The following RYR2 variants were observed in gnomAD, a reference collection of about 807,000 sequenced individuals.
RYR2 encodes cardiac muscle ryanodine receptor-calcium release channel.
Under a neutral mutation model 601.1 loss-of-function variants are expected in RYR2, and 227 were observed. That is an observed-to-expected ratio of 0.38 (90% CI 0.34 to 0.42). The LOEUF (loss-of-function observed/expected upper bound fraction) is 0.42, where lower values mean the gene tolerates loss of function less well. RYR2 is among the 10% of genes least tolerant of loss of function. The pLI is 1.00. For missense variants in RYR2, 4,646 were observed against 6,156.5 expected (o/e 0.75, Z 8.21); for synonymous variants, 2,223 against 2,175.1 (o/e 1.02, Z -0.61).
chr1:237,590,657 C>A lies in RYR2; in HGVS notation c.3825C>A (p.Gly1275=). Residue 1275 remains glycine (G), a synonymous_variant, in exon 31 of 105, where the codon GGC becomes GGA. Coordinates refer to ENST00000366574, the MANE Select transcript of RYR2 (RefSeq NM_001035.3). ...HEHIEVTRID[G]TIDSSPCLKV... is the part of the protein sequence containing the mutation. Reference sequence around the variant, plus strand: ...TTTGCTAGGTGACCAGAATAGACGGCACCATAGACAGTTCCCCATGTTTAA... The same window carrying A: ...TTTGCTAGGTGACCAGAATAGACGGAACCATAGACAGTTCCCCATGTTTAA... 6.5e-7 allele frequency: 1 copy of A among 1,534,418 alleles called. No homozygotes were observed. Among genetic ancestry groups the A allele is most frequent in the South Asian group, 1.3e-5 (1 of 76,278 alleles).
At chr1:237,806,994 A>G (rs893304531) in intron 99 of RYR2, among the ~76,000 whole-genome samples, 5 of 152,208 alleles carry the variant, frequency 3.3e-5, no homozygotes, top group African/African-American at 1.2e-4. Context: ...ATTTGGCTTA[A>G]CAGACTCCTT....
chr1:237,769,683 C>A (rs1694115788), intron 84 of RYR2, among the ~76,000 whole-genome samples: 1 of 151,496 alleles, frequency 6.6e-6, no homozygotes, highest in African/African-American at 2.4e-5. Flanking sequence ...AACATACGAT[C>A]ATTGCCTCAT....
intron 24 of RYR2, among the ~76,000 whole-genome samples, chr1:237,518,525 G>A (rs920310491): frequency 1.3e-5 from 2 of 151,998 alleles, no homozygotes; most frequent in South Asian, 2.1e-4. Flanking sequence ...GCCTTTCTGG[G>A]TCTAGCTTAT....
At chr1:237,425,306 G>T (rs1706038689) in intron 12 of RYR2, among the ~76,000 whole-genome samples, 1 of 152,032 alleles carries the variant, frequency 6.6e-6, no homozygotes, top group Non-Finnish European at 1.5e-5. Flanking sequence ...GGGATATAGG[G>T]ATCACCAACA....
rs1436370148 is a variant in RYR2 at position 237,832,870 on chromosome 1, CA to C, written c.*230del. ...AGAATAATCTAAATTCATACTCAGACAAAAAAAGGAATTCTGGAAAGAAAAC... is the reference window on the plus strand; with the variant it reads ...AGAATAATCTAAATTCATACTCAGACAAAAAAGGAATTCTGGAAAGAAAAC... On this transcript the variant is annotated 3_prime_UTR_variant, in exon 105 of 105. Coordinates refer to ENST00000366574, the MANE Select transcript of RYR2 (RefSeq NM_001035.3). The C allele has an allele frequency of 4.5e-5, 18 of 402,194 alleles. No individual in the cohort carries two copies. Among genetic ancestry groups the C allele is most frequent in the Admixed American group, 1.7e-4 (4 of 24,192 alleles). The allele number at this position is 402,194 out of a possible 1,614,324, so 24.9% of individuals were successfully genotyped here. A position where few individuals can be genotyped will look rare whatever the true frequency, so the allele number is the denominator to read the frequency against.
At chr1:237,404,465 A>T (rs189226852) in intron 10 of RYR2, among the ~76,000 whole-genome samples, 107 of 152,358 alleles carry the variant, frequency 7.0e-4, no homozygotes, top group African/African-American at 2.4e-3. Context: ...AGGAGAAACC[A>T]TAAAAATATA....
chr1:237,428,054 C>G (rs776090495), intron 12 of RYR2, among the ~76,000 whole-genome samples: 1 of 152,034 alleles, frequency 6.6e-6, no homozygotes, highest in African/African-American at 2.4e-5. Flanking sequence ...CAATGAGATA[C>G]CAACTCATAC....
intron 1 of RYR2, among the ~76,000 whole-genome samples, chr1:237,127,554 GC>G (rs1170795337): frequency 6.6e-6 from 1 of 150,962 alleles, no homozygotes; most frequent in Non-Finnish European, 1.5e-5. Context: ...GGCTGGCCTG[GC>G]GGGGGGCTGA....
At chr1:237,156,150 T>C (rs1675306652) in intron 1 of RYR2, among the ~76,000 whole-genome samples, 1 of 152,218 alleles carries the variant, frequency 6.6e-6, no homozygotes, top group South Asian at 2.1e-4. Flanking sequence ...CTGGCCATCA[T>C]GTCAAGTGTT....
intron 2 of RYR2, among the ~76,000 whole-genome samples, chr1:237,311,625 G>A (rs1452110558): frequency 2.0e-5 from 3 of 151,892 alleles, no homozygotes; most frequent in Non-Finnish European, 2.9e-5. Flanking sequence ...GACTATAGGT[G>A]TGTGCCACCA....
intron 3 of RYR2, among the ~76,000 whole-genome samples, chr1:237,353,399 T>C (rs12024357): frequency 0.24 from 36,614 of 150,484 alleles, 4,574 homozygotes; most frequent in East Asian, 0.37. Flanking sequence ...ATCCCAGCTA[T>C]CCAGGAAACT....
At chr1:237,730,112 T>C (rs1395212501) in intron 76 of RYR2, 148 bp from the exon 77 acceptor site, 2 of 571,482 alleles carry the variant, frequency 3.5e-6, no homozygotes, top group Admixed American at 2.9e-5. Context: ...GCAAGAAGCA[T>C]TGTCTTTCAG....
chr1:237,784,813 G>A lies in RYR2; in HGVS notation c.13101G>A (p.Lys4367=). Residue 4367 remains lysine, a synonymous_variant, in exon 90 of 105, where the codon AAG becomes AAA. Transcript: ENST00000366574. The surrounding 1 kb of genome is among the most constrained non-coding windows in gnomAD (Gnocchi z 7.1). ...CCTCCGAGGATCTGACCGACTTAAAGGAGCTGACAGAGGAAAGTGACCTTC... is the reference window on the plus strand; with the variant it reads ...CCTCCGAGGATCTGACCGACTTAAAAGAGCTGACAGAGGAAAGTGACCTTC... The part of the protein sequence containing the change: ...ALPSEDLTDL[K]ELTEESDLLS... 6.2e-7 allele frequency: 1 copy of A among 1,613,526 alleles called. No homozygotes were observed. Among genetic ancestry groups the A allele is most frequent in the Non-Finnish European group, 8.5e-7 (1 of 1,179,590 alleles).
At chr1:237,783,605 A>G in intron 89 of RYR2, 70 bp from the exon 90 acceptor site, 1 of 899,544 alleles carries the variant, frequency 1.1e-6, no homozygotes, top group Non-Finnish European at 1.7e-6. Flanking sequence ...AAAGATCTAC[A>G]TTGTTATCTT....
intron 63 of RYR2, among the ~76,000 whole-genome samples, chr1:237,691,511 A>G (rs533867428): frequency 2.2e-4 from 33 of 152,318 alleles, no homozygotes; most frequent in African/African-American, 7.9e-4. Context: ...AGGATTCTCA[A>G]AACTTTGGCT....
intron 1 of RYR2, among the ~76,000 whole-genome samples, chr1:237,066,016 C>T (rs1359439994): frequency 1.3e-5 from 2 of 152,232 alleles, no homozygotes; most frequent in African/African-American, 4.8e-5. Context: ...CCAGACCCCA[C>T]CTCCAACATT....
chr1:237,383,070 A>G (rs796454905), intron 8 of RYR2, among the ~76,000 whole-genome samples: 2 of 152,182 alleles, frequency 1.3e-5, no homozygotes, highest in Non-Finnish European at 1.5e-5. Context: ...TGAATGAATA[A>G]TTGCATCAGA....
intron 71 of RYR2, among the ~76,000 whole-genome samples, chr1:237,712,448 C>T (rs1417984518): frequency 6.6e-6 from 1 of 152,022 alleles, no homozygotes; most frequent in Admixed American, 6.6e-5. Context: ...TTCTCTAGGA[C>T]TTGCCTAACG....
intron 101 of RYR2, among the ~76,000 whole-genome samples, chr1:237,822,892 T>A (rs1024027808): frequency 6.6e-6 from 1 of 152,140 alleles, no homozygotes; most frequent in African/African-American, 2.4e-5. Flanking sequence ...GCAATTCTAG[T>A]CTCTGATAGA....
Sources: allele counts gnomAD v4.1 joint callset (sites outside exome capture counted in the v4.1 genomes callset), GRCh38; gene constraint gnomAD v4.1.1; non-coding constraint Gnocchi (gnomAD v3.1); transcripts MANE v1.5; gene names NCBI Gene and HGNC (gene_info 2026-07-23, HGNC 2026-07-21).